Variants in GPATCH8 observed in about 807,000 individuals in gnomAD.
GPATCH8 encodes the protein G patch domain-containing protein 8.
Under a neutral mutation model 118.3 loss-of-function variants are expected in GPATCH8, and 18 were observed. The observed-to-expected ratio is 0.15, with a 90% CI of 0.11 to 0.23. The LOEUF is 0.23. Among genes scored for constraint, GPATCH8 ranks in the 10% least tolerant of loss-of-function variants. The probability of loss-of-function intolerance (pLI) is 1.00; values close to 1 mark genes in which losing one functional copy is unlikely to be tolerated. For synonymous variants in GPATCH8, 659 were observed against 684.7 expected (o/e 0.96, Z 0.59); for missense variants, 1,631 against 1,873.8 (o/e 0.87, Z 2.39).
At chr17:44,472,700 A>G (rs935383969) in intron 2 of GPATCH8, among the ~76,000 whole-genome samples, 1 of 150,908 alleles carries the variant, frequency 6.6e-6, no homozygotes, top group African/African-American at 2.4e-5. Flanking sequence ...TTGTTTTTTT[A>G]TTTGTTTGTT....
intron 6 of GPATCH8, among the ~76,000 whole-genome samples, chr17:44,414,742 A>G (rs2049613056): frequency 6.6e-6 from 1 of 152,102 alleles, no homozygotes; most frequent in South Asian, 2.1e-4. Flanking sequence ...GTTACTCACC[A>G]TCTCCCCTTT....
At chr17:44,445,564 A>G (rs1180238356) in intron 3 of GPATCH8, among the ~76,000 whole-genome samples, 1 of 151,310 alleles carries the variant, frequency 6.6e-6, no homozygotes, top group Non-Finnish European at 1.5e-5. Flanking sequence ...GGAGTGCAAC[A>G]GCGCGATCTC....
intron 1 of GPATCH8, among the ~76,000 whole-genome samples, chr17:44,492,065 T>C (rs1969286884): frequency 1.3e-5 from 2 of 151,904 alleles, no homozygotes; most frequent in African/African-American, 4.8e-5. Context: ...TTTAGGAGGC[T>C]GAGGTGGGTG....
intron 3 of GPATCH8, among the ~76,000 whole-genome samples, chr17:44,443,622 T>C (rs2050776102): frequency 6.6e-6 from 1 of 152,226 alleles, no homozygotes; most frequent in Admixed American, 6.5e-5. Flanking sequence ...ATTCTTGCCA[T>C]GGCCTTTTTA....
chr17:44,449,860 A>G (rs1018473138), intron 3 of GPATCH8, among the ~76,000 whole-genome samples: 14 of 152,208 alleles, frequency 9.2e-5, no homozygotes, highest in Admixed American at 7.2e-4. Flanking sequence ...GCTGAAAGCC[A>G]TAAGACTAAT....
chr17:44,411,034 T>G (rs2049410272), intron 6 of GPATCH8, among the ~76,000 whole-genome samples: 1 of 152,158 alleles, frequency 6.6e-6, no homozygotes, highest in Non-Finnish European at 1.5e-5. Context: ...GCCAAAGAAA[T>G]GAGAATCAGG....
chr17:44,438,154 C>A (rs564682615), intron 3 of GPATCH8, among the ~76,000 whole-genome samples: 65 of 152,210 alleles, frequency 4.3e-4, no homozygotes, highest in African/African-American at 1.6e-3. Context: ...ACTTTCATAA[C>A]GTCTCAGTCA....
intron 4 of GPATCH8, among the ~76,000 whole-genome samples, chr17:44,435,857 A>G (rs2050491756): frequency 1.3e-5 from 2 of 150,088 alleles, no homozygotes; most frequent in South Asian, 2.1e-4. Context: ...CCCTGTTTCT[A>G]CTAAAAACAC....
At chr17:44,436,029 CAAAAA>C (rs1157048818) in intron 4 of GPATCH8, among the ~76,000 whole-genome samples, 103 of 41,824 alleles carry the variant, frequency 2.5e-3, no homozygotes, top group African/African-American at 8.8e-3. Flanking sequence ...AACTCCATCT[CAAAAA>C]AAAAAAAAAA....
chr17:44,473,403 G>C (rs1334062876), intron 2 of GPATCH8: 2 of 152,234 alleles, frequency 1.3e-5, no homozygotes, highest in Non-Finnish European at 2.9e-5. Context: ...CAAAGTGCTG[G>C]GATTACAGGC....
intron 2 of GPATCH8, chr17:44,473,813 T>C (rs1967503295): frequency 6.6e-6 from 1 of 152,220 alleles, no homozygotes; most frequent in African/African-American, 2.4e-5. Flanking sequence ...TGTAAACATC[T>C]AAACACACAT....
At chr17:44,449,748 G>A (rs958954924) in intron 3 of GPATCH8, among the ~76,000 whole-genome samples, 1 of 146,688 alleles carries the variant, frequency 6.8e-6, no homozygotes, top group Non-Finnish European at 1.5e-5. Context: ...CCTGACCTCA[G>A]GTGATCCGCC....
intron 6 of GPATCH8, among the ~76,000 whole-genome samples, chr17:44,417,227 T>C (rs1221512484): frequency 2.0e-5 from 3 of 152,140 alleles, no homozygotes; most frequent in African/African-American, 7.2e-5. Context: ...GAGTAAGTAA[T>C]CTTGTCAAAA....
chr17:44,415,738 G>C (rs1224732217), intron 6 of GPATCH8, among the ~76,000 whole-genome samples: 1 of 152,146 alleles, frequency 6.6e-6, no homozygotes, highest in African/African-American at 2.4e-5. Context: ...ATAGAACAAA[G>C]AGTCTAATCC....
At chr17:44,486,494 T>A (rs569830925) in intron 1 of GPATCH8, 12 of 152,342 alleles carry the variant, frequency 7.9e-5, no homozygotes, top group East Asian at 7.7e-4. Context: ...AAATTTTTTT[T>A]AACAATTTTT....
Position 44,411,658 on chromosome 17 carries a change from T to C in GPATCH8, c.493-5607A>G, listed in dbSNP as rs112550836. On this transcript the variant is annotated intron_variant, in intron 6 of 7. Transcript: ENST00000591680. Reference sequence around the variant, plus strand: ...AAGAGAAAACTTGATTTTGTCCCTTTAGGGTCTAAAGATTATCCATGGCGT... The same window carrying C: ...AAGAGAAAACTTGATTTTGTCCCTTCAGGGTCTAAAGATTATCCATGGCGT... Among the ~76,000 whole-genome samples the C allele has an allele frequency of 4.3e-3, 651 of 152,290 alleles. 6 individuals carry two copies. Among genetic ancestry groups the C allele is most frequent in the African/African-American group, 0.015 (633 of 41,562 alleles).
intron 3 of GPATCH8, among the ~76,000 whole-genome samples, chr17:44,462,337 C>T (rs1445434211): frequency 1.3e-5 from 2 of 152,212 alleles, no homozygotes; most frequent in Non-Finnish European, 2.9e-5. Context: ...ACAATCACCT[C>T]CATTCAAGTC....
At chr17:44,490,146 A>G (rs1969129467) in intron 1 of GPATCH8, among the ~76,000 whole-genome samples, 1 of 151,986 alleles carries the variant, frequency 6.6e-6, no homozygotes, top group Non-Finnish European at 1.5e-5. Context: ...AATTTTTTTT[A>G]ATTTTTGTAA....
chr17:44,450,815 C>G (rs2051085822), intron 3 of GPATCH8, among the ~76,000 whole-genome samples: 1 of 152,160 alleles, frequency 6.6e-6, no homozygotes, highest in Non-Finnish European at 1.5e-5. Flanking sequence ...CTCACAGACA[C>G]CTGTACTCCA....
Sources: gnomAD v4.1 joint callset for allele counts (sites outside exome capture counted in the v4.1 genomes callset) on GRCh38, gnomAD v4.1.1 for gene constraint, MANE v1.5 for transcripts, NCBI Gene and HGNC (gene_info 2026-07-23, HGNC 2026-07-21) for gene names.